STOX1: variants seen among roughly 807,000 people sequenced by gnomAD.
STOX1 encodes the protein storkhead box 1.
STOX1 carries 57 observed loss-of-function variants against 74.8 expected under a neutral mutation model. The ratio of observed to expected loss-of-function variants is 0.76; its 90% confidence interval spans 0.62 to 0.95. The LOEUF is 0.95. Among genes scored for constraint, STOX1 ranks in the 40% least tolerant of loss-of-function variants. The pLI is 0.00. For synonymous variants in STOX1, 375 were observed against 401.3 expected (o/e 0.93, Z 0.78); for missense variants, 1,010 against 1,117.0 (o/e 0.90, Z 1.37).
chr10:68,870,147 T>G (rs1319116658), intron 1 of STOX1, among the ~76,000 whole-genome samples: 1 of 152,208 alleles, frequency 6.6e-6, no homozygotes, highest in Non-Finnish European at 1.5e-5. Flanking sequence ...TTTTTATTTA[T>G]TTTATTTTTT....
chr10:68,867,917 T>G (rs928514966), intron 1 of STOX1, among the ~76,000 whole-genome samples: 6 of 152,270 alleles, frequency 3.9e-5, no homozygotes, highest in Non-Finnish European at 8.8e-5. Context: ...ACTCCTTTTC[T>G]GAGGAGCTGC....
rs200461358 is a variant in STOX1 at position 68,852,248 on chromosome 10, G to GAT, written c.310+24315_310+24316insAT. Among the ~76,000 whole-genome samples, 7 of 132,210 alleles carry GAT rather than the reference G, an allele frequency of 5.3e-5. 3 individuals are homozygous for GAT. The highest frequency in any genetic ancestry group is 1.6e-5 in the Non-Finnish European group (1 of 62,218). 86.7% of individuals were successfully genotyped at this position (132,210 alleles called of 152,430 possible). On this transcript the variant is annotated intron_variant, in intron 1 of 3. Transcript: ENST00000298596. Reference sequence around the variant, plus strand: ...TATGAGTTTAAGTTTTTCTCTTACTGCTTTTTTTTTTTTTTTTTTTTGAGA... The same window carrying GAT: ...TATGAGTTTAAGTTTTTCTCTTACTGATCTTTTTTTTTTTTTTTTTTTTGAGA...
intron 3 of STOX1, among the ~76,000 whole-genome samples, 172 bp downstream of exon 3, chr10:68,886,790 C>T (rs1840975169): frequency 6.6e-6 from 1 of 151,830 alleles, no homozygotes; most frequent in Non-Finnish European, 1.5e-5. Context: ...TGTGGTGGTG[C>T]GTCCCTGTAA....
intron 3 of STOX1, among the ~76,000 whole-genome samples, chr10:68,887,135 A>T (rs1840983397): frequency 6.6e-6 from 1 of 152,164 alleles, no homozygotes; most frequent in Admixed American, 6.5e-5. Flanking sequence ...TGTGAACCAA[A>T]TTTGACTGTC....
intron 1 of STOX1, among the ~76,000 whole-genome samples, chr10:68,880,476 G>A (rs1285185741): frequency 6.6e-6 from 1 of 152,036 alleles, no homozygotes; most frequent in Non-Finnish European, 1.5e-5. Flanking sequence ...GGCTGAAATT[G>A]TTTTCTTAAA....
chr10:68,867,026 G>C (rs920787700), intron 1 of STOX1, among the ~76,000 whole-genome samples: 5 of 148,166 alleles, frequency 3.4e-5, no homozygotes, highest in African/African-American at 1.3e-4. Context: ...GTCACTGCAA[G>C]CTCCGCCTCC....
At chr10:68,830,317 G>A (rs2133480524) in intron 1 of STOX1, among the ~76,000 whole-genome samples, 1 of 152,112 alleles carries the variant, frequency 6.6e-6, no homozygotes, top group East Asian at 1.9e-4. Flanking sequence ...GAATGATTTT[G>A]AGGTTTTCAA....
intron 1 of STOX1, among the ~76,000 whole-genome samples, chr10:68,854,283 CT>C (rs1840066017): frequency 6.6e-6 from 1 of 151,882 alleles, no homozygotes; most frequent in South Asian, 2.1e-4. Flanking sequence ...GTGTGAGCCA[CT>C]GTGCCCAGCC....
At chr10:68,855,556 A>G (rs1840101742) in intron 1 of STOX1, among the ~76,000 whole-genome samples, 1 of 151,946 alleles carries the variant, frequency 6.6e-6, no homozygotes, top group African/African-American at 2.4e-5. Flanking sequence ...CTCCCGCCTC[A>G]GCCTCACATA....
intron 1 of STOX1, among the ~76,000 whole-genome samples, chr10:68,843,603 C>T (rs1399190329): frequency 2.0e-5 from 3 of 151,902 alleles, no homozygotes; most frequent in African/African-American, 7.3e-5. Context: ...TGCAATGGAG[C>T]GACCTCGGCT....
At chr10:68,841,447 T>G (rs1839690917) in intron 1 of STOX1, among the ~76,000 whole-genome samples, 1 of 152,178 alleles carries the variant, frequency 6.6e-6, no homozygotes, top group Non-Finnish European at 1.5e-5. Context: ...TATAGATAGT[T>G]TATAAATCTA....
Position 68,827,587 on chromosome 10 carries a change from G to A in STOX1, c.-37G>A. 8.9e-7 allele frequency: 1 copy of A among 1,123,006 alleles called. No homozygotes were observed. Among genetic ancestry groups the A allele is most frequent in the Non-Finnish European group, 1.1e-6 (1 of 917,918 alleles). 69.6% of individuals were successfully genotyped at this position (1,123,006 alleles called of 1,614,324 possible). Reference sequence around the variant, plus strand: ...GCGTCGTAGCCGCCGCGCTCGCCGAGGCCCTGCGTTGCGGGCTCCCGGCCG... The same window carrying A: ...GCGTCGTAGCCGCCGCGCTCGCCGAAGCCCTGCGTTGCGGGCTCCCGGCCG... On this transcript the variant is annotated 5_prime_UTR_variant, in exon 1 of 4. Transcript: ENST00000298596.
At chr10:68,847,259 G>A (rs1181669239) in intron 1 of STOX1, among the ~76,000 whole-genome samples, 1 of 152,060 alleles carries the variant, frequency 6.6e-6, no homozygotes, top group Non-Finnish European at 1.5e-5. Flanking sequence ...ATCAACTGAG[G>A]GGAAAAAATA....
chr10:68,836,976 A>G (rs1182468248), intron 1 of STOX1, among the ~76,000 whole-genome samples: 1 of 152,154 alleles, frequency 6.6e-6, no homozygotes, highest in South Asian at 2.1e-4. Flanking sequence ...GAAGCTACAC[A>G]GTTGTTGAAG....
intron 1 of STOX1, among the ~76,000 whole-genome samples, chr10:68,877,616 A>C (rs560083990): frequency 2.6e-5 from 4 of 152,344 alleles, no homozygotes; most frequent in African/African-American, 9.6e-5. Context: ...CTTCAGTTCT[A>C]GCCCAAAGGC....
chr10:68,880,622 T>A (rs550141047), intron 1 of STOX1, among the ~76,000 whole-genome samples: 1 of 152,224 alleles, frequency 6.6e-6, no homozygotes, highest in South Asian at 2.1e-4. Flanking sequence ...ACTTTTGGTA[T>A]GTGCCAAGAG....
At position 68,884,588 on chromosome 10, in the gene STOX1, G is replaced by T; in HGVS notation, c.792G>T (p.Val264=). ...DVQEAPVAAE[V]TRKSHRGLGE... The stretch of plus-strand genomic sequence containing the variant: ...AGGAAGCACCAGTTGCTGCAGAAGT[G>T]ACTAGGAAGAGTCACAGAGGTCTTG... The change falls in exon 3 of 4, where the codon GTG becomes GTT. Residue 264 remains valine, a synonymous_variant. Transcript: ENST00000298596. The T allele has an allele frequency of 6.2e-7, 1 of 1,613,878 alleles. No individual in the cohort carries two copies. Among genetic ancestry groups the T allele is most frequent in the South Asian group, 1.1e-5 (1 of 91,080 alleles).
chr10:68,833,432 G>A (rs752588107), intron 1 of STOX1, among the ~76,000 whole-genome samples: 3 of 152,120 alleles, frequency 2.0e-5, no homozygotes, highest in Admixed American at 6.6e-5. Context: ...TTGGCCGGGA[G>A]CATCAGCAGG....
At chr10:68,849,188 CT>C (rs1197477088) in intron 1 of STOX1, among the ~76,000 whole-genome samples, 1 of 152,170 alleles carries the variant, frequency 6.6e-6, no homozygotes, top group African/African-American at 2.4e-5. Context: ...TCAGGCTTTG[CT>C]TTTTCAGGTT....
Sources: gnomAD v4.1 joint callset for allele counts (sites outside exome capture counted in the v4.1 genomes callset) on GRCh38, gnomAD v4.1.1 for gene constraint, MANE v1.5 for transcripts, NCBI Gene and HGNC (gene_info 2026-07-23, HGNC 2026-07-21) for gene names.